STK3: variants seen among roughly 807,000 people sequenced by gnomAD.
The protein encoded by STK3 is serine/threonine-protein kinase 3.
STK3 carries 41 observed loss-of-function variants against 58.0 expected under a neutral mutation model. That is an observed-to-expected ratio of 0.71 (90% CI 0.55 to 0.92). The LOEUF (loss-of-function observed/expected upper bound fraction) is 0.92, where lower values mean the gene tolerates loss of function less well. Among genes scored for constraint, STK3 ranks in the 40% least tolerant of loss-of-function variants. The probability of loss-of-function intolerance (pLI) is 0.00; values close to 1 mark genes in which losing one functional copy is unlikely to be tolerated. For missense variants in STK3, 479 were observed against 602.7 expected (o/e 0.79, Z 2.15); for synonymous variants, 170 against 191.0 (o/e 0.89, Z 0.91).
chr8:98,466,342 C>A (rs1437623170), intron 10 of STK3, among the ~76,000 whole-genome samples: 6 of 152,232 alleles, frequency 3.9e-5, no homozygotes, highest in Admixed American at 3.9e-4. Flanking sequence ...AATTTTTCTC[C>A]AATTACACTC....
At position 98,741,319 on chromosome 8, in the gene STK3, T is replaced by C. The variant is rs1829186327; in HGVS notation, c.351+7957A>G. Reference sequence around the variant, plus strand: ...TTTTTTCAGCACCACACCACACCTGTTCCAAAATTGACCACATAGTTGGAA... The same window carrying C: ...TTTTTTCAGCACCACACCACACCTGCTCCAAAATTGACCACATAGTTGGAA... On this transcript the variant is annotated intron_variant, in intron 4 of 10. Coordinates refer to ENST00000419617, the MANE Select transcript of STK3 (RefSeq NM_006281.4). 2.0e-5 allele frequency among the ~76,000 whole-genome samples: 3 copies of C among 152,122 alleles called. No homozygotes were observed. In the South Asian group the frequency reaches 6.2e-4, roughly 32 times the overall value.
chr8:98,415,358 T>C (rs1055509532), intron 3 of STK3, among the ~76,000 whole-genome samples: 5 of 152,270 alleles, frequency 3.3e-5, no homozygotes, highest in African/African-American at 1.2e-4. Flanking sequence ...AGTGAAATTC[T>C]ATCATGACTG....
intron 4 of STK3, among the ~76,000 whole-genome samples, chr8:98,741,027 T>C (rs1042347290): frequency 2.6e-5 from 4 of 152,194 alleles, no homozygotes; most frequent in Non-Finnish European, 1.5e-5. Flanking sequence ...GAGGGATCAA[T>C]TCAACAAGAA....
intron 3 of STK3, among the ~76,000 whole-genome samples, chr8:98,405,043 T>C (rs1817980163): frequency 6.6e-6 from 1 of 152,196 alleles, no homozygotes; most frequent in Non-Finnish European, 1.5e-5. Flanking sequence ...ATGACTGAAC[T>C]TTCAGTTTGG....
intron 9 of STK3, among the ~76,000 whole-genome samples, chr8:98,540,837 C>CTAGTT (rs1410467829): frequency 6.6e-6 from 1 of 152,046 alleles, no homozygotes; most frequent in African/African-American, 2.4e-5. Context: ...TATATGCCTG[C>CTAGTT]TAGTTTAGTT....
chr8:98,858,208 C>G (rs1027817953), intron 3 of STK3, among the ~76,000 whole-genome samples: 6 of 148,352 alleles, frequency 4.0e-5, no homozygotes, highest in Admixed American at 6.8e-5. Flanking sequence ...ATGACGAAAC[C>G]CAGTGTCTAC....
chr8:98,360,836 G>GC, the STK3 span, among the ~76,000 whole-genome samples: 1 of 152,208 alleles, frequency 6.6e-6, no homozygotes, highest in African/African-American at 2.4e-5. Flanking sequence ...GGCCAGTTGG[G>GC]CTGAGGCTAT....
rs557029472 is a variant in STK3 at position 98,890,624 on chromosome 8, A to G, written c.-78-6790T>C. On this transcript the variant is annotated intron_variant, in intron 1 of 1. Transcript: ENST00000519420. ...AGCCACCAGGGGTCACATAAATAGA[A>G]GTTTTCACTGGACCTTTCTAATTCA... Among the ~76,000 whole-genome samples, 10 of 152,276 alleles carry G rather than the reference A, an allele frequency of 6.6e-5. 1 individual carries two copies. Among genetic ancestry groups the G allele is most frequent in the African/African-American group, 2.4e-4 (10 of 41,554 alleles).
At chr8:98,408,950 A>C (rs1022680802) in intron 3 of STK3, among the ~76,000 whole-genome samples, 1 of 152,210 alleles carries the variant, frequency 6.6e-6, no homozygotes, top group Non-Finnish European at 1.5e-5. Context: ...AGTTTGAAAG[A>C]AAACGTCCCC....
intron 3 of STK3, among the ~76,000 whole-genome samples, chr8:98,855,467 G>T (rs1428008544): frequency 6.6e-6 from 1 of 152,130 alleles, no homozygotes; most frequent in Non-Finnish European, 1.5e-5. Context: ...ACATGCAAAA[G>T]AATGAAGCTG....
At chr8:98,826,454 A>T (rs1400975221), upstream of STK3, among the ~76,000 whole-genome samples, 2 of 152,140 alleles carry the variant, frequency 1.3e-5, no homozygotes, top group East Asian at 3.9e-4. Flanking sequence ...ATCTCTCGGT[A>T]CACCAAATTC....
intron 1 of STK3, among the ~76,000 whole-genome samples, chr8:98,823,888 G>A (rs575571948): frequency 6.6e-6 from 1 of 152,200 alleles, no homozygotes; most frequent in Admixed American, 6.5e-5. Context: ...TGGCAAACAG[G>A]ATGACCTCAA....
chr8:98,817,502 C>T (rs2131712236), intron 1 of STK3, among the ~76,000 whole-genome samples: 1 of 151,474 alleles, frequency 6.6e-6, no homozygotes, highest in African/African-American at 2.4e-5. Context: ...CCTCCCTACC[C>T]ACTTCCTCTT....
At chr8:98,622,796 A>G (rs1451045880) in intron 6 of STK3, among the ~76,000 whole-genome samples, 1 of 152,228 alleles carries the variant, frequency 6.6e-6, no homozygotes, top group Non-Finnish European at 1.5e-5. Context: ...ATTCTATCAA[A>G]CTAAGAAATA....
intron 1 of STK3, among the ~76,000 whole-genome samples, chr8:98,897,857 G>C (rs953821291): frequency 6.6e-5 from 10 of 152,044 alleles, no homozygotes; most frequent in African/African-American, 2.4e-4. Flanking sequence ...CTATTAATTT[G>C]TGTCTTCTAA....
chr8:98,893,421 G>GGAAA lies in STK3; in HGVS notation c.-78-9591_-78-9588dup, dbSNP rs1230218579. Reference sequence around the variant, plus strand: ...AAGAAAGAAAGAAGGAAGGAAGGAAGGAAAGAAAGAAAGAAAGAAAGAAAG... The same window carrying GGAAA: ...AAGAAAGAAAGAAGGAAGGAAGGAAGGAAAGAAAGAAAGAAAGAAAGAAAGAAAG... On this transcript the variant is annotated intron_variant, in intron 1 of 1. Transcript: ENST00000519420. 2.6e-3 allele frequency among the ~76,000 whole-genome samples: 160 copies of GGAAA among 60,520 alleles called. 3 individuals are homozygous for GGAAA. Among genetic ancestry groups the GGAAA allele is most frequent in the Middle Eastern group, 6.8e-3 (1 of 146 alleles). 39.7% of individuals were successfully genotyped at this position (60,520 alleles called of 152,430 possible).
chr8:98,741,826 T>C (rs1404827567), intron 4 of STK3, among the ~76,000 whole-genome samples: 4 of 152,096 alleles, frequency 2.6e-5, no homozygotes, highest in African/African-American at 9.7e-5. Context: ...TCAAAATTGA[T>C]AGACTGCTAG....
intron 6 of STK3, among the ~76,000 whole-genome samples, chr8:98,626,637 T>C (rs1271780164): frequency 6.6e-6 from 1 of 152,158 alleles, no homozygotes; most frequent in African/African-American, 2.4e-5. Context: ...CTGGCAAATA[T>C]GAAGAAATAA....
At chr8:98,456,190 T>C (rs2131137726) in intron 10 of STK3, among the ~76,000 whole-genome samples, 190 bp from the exon 11 acceptor site, 1 of 152,338 alleles carries the variant, frequency 6.6e-6, no homozygotes. Flanking sequence ...AGAGGTCATA[T>C]CTTGCAAGAA....
Sources: allele counts gnomAD v4.1 joint callset (sites outside exome capture counted in the v4.1 genomes callset), GRCh38; gene constraint gnomAD v4.1.1; transcripts MANE v1.5; gene names NCBI Gene and HGNC (gene_info 2026-07-23, HGNC 2026-07-21).